Variants in GPSM3 observed in about 807,000 individuals in gnomAD.
GPSM3 encodes G protein signaling modulator 3.
In GPSM3, 16 loss-of-function variants were observed where a neutral mutation model predicts 20.4. The ratio of observed to expected loss-of-function variants is 0.78; its 90% CI spans 0.53 to 1.19. GPSM3 has a LOEUF of 1.19. Ranked by LOEUF, GPSM3 falls within the 50% of genes most tolerant of loss-of-function variation. The pLI is 0.00. For synonymous variants in GPSM3, 70 were observed against 79.6 expected (o/e 0.88, Z 0.64); for missense variants, 177 against 204.6 (o/e 0.86, Z 0.82).
At chr6:32,194,559 T>G (rs1362403372), upstream of GPSM3, among the ~76,000 whole-genome samples, 2 of 152,116 alleles carry the variant, frequency 1.3e-5, no homozygotes, top group African/African-American at 4.8e-5. The surrounding 1 kb of genome is among the most constrained non-coding windows in gnomAD (Gnocchi z 4.5). Flanking sequence ...CCTCCTGCTG[T>G]GTGGCCCAGT....
rs775781222 is a variant in GPSM3 at position 32,192,192 on chromosome 6, C to A, written c.101G>T (p.Arg34Leu). Residue 34 changes from arginine to leucine, a missense_variant, in exon 2 of 4, where the codon CGA becomes CTA. Arg to Leu is a moderately radical substitution (Grantham distance 102). Transcript: ENST00000375040. This position sits in a 1 kb window ranked among gnomAD's most constrained non-coding sequence, Gnocchi z 5.1. ...PPPNSTTRPW[R>L]SAPPSPPPPG... is the part of the protein sequence containing the mutation. ...AGGAGGAGGGGATGGAGGAGCAGAT[C>A]GCCAAGGCCGAGTGGTGGAGTTTGG... 6.6e-7 allele frequency: 1 copy of A among 1,510,622 alleles called. No homozygotes were observed. The highest frequency in any genetic ancestry group is 8.9e-7 in the Non-Finnish European group (1 of 1,129,866). 93.6% of individuals were successfully genotyped at this position (1,510,622 alleles called of 1,614,324 possible).
upstream of GPSM3, among the ~76,000 whole-genome samples, chr6:32,193,807 C>T (rs1416315262): frequency 2.0e-5 from 3 of 152,182 alleles, no homozygotes; most frequent in African/African-American, 7.2e-5. The surrounding 1 kb of genome is among the most constrained non-coding windows in gnomAD (Gnocchi z 4.7). Flanking sequence ...AGAGGACTAC[C>T]TCTCTGGCTT....
Position 32,191,174 on chromosome 6 carries a change from C to T in GPSM3, c.*192G>A. The T allele has an allele frequency of 1.6e-6, 1 of 643,500 alleles. No homozygotes were observed. The highest frequency in any genetic ancestry group is 4.5e-4 in the Middle Eastern group (1 of 2,240). 39.9% of individuals were successfully genotyped at this position (643,500 alleles called of 1,614,324 possible). On this transcript the variant is annotated 3_prime_UTR_variant, in exon 4 of 4. Transcript: ENST00000375040. The surrounding 1 kb of genome is among the most constrained non-coding windows in gnomAD (Gnocchi z 5.9). ...GCGGGGAGTTAAATCCCTGTTCCATCTCGCCTGTTCCCAGAGTTTGAGGAC... is the reference window on the plus strand; with the variant it reads ...GCGGGGAGTTAAATCCCTGTTCCATTTCGCCTGTTCCCAGAGTTTGAGGAC...
At chr6:32,193,619 T>G (rs3132940), upstream of GPSM3, among the ~76,000 whole-genome samples, 139,375 of 152,236 alleles carry the variant, frequency 0.92, 64,018 homozygotes, top group East Asian at 1. This position sits in a 1 kb window ranked among gnomAD's most constrained non-coding sequence, Gnocchi z 4.7. Context: ...GCAGGGGAAA[T>G]TTTATTTTGG....
At chr6:32,194,992 G>A (rs1253274518), upstream of GPSM3, 1 of 241,140 alleles carries the variant, frequency 4.1e-6, no homozygotes, top group Admixed American at 5.4e-5. The surrounding 1 kb of genome is among the most constrained non-coding windows in gnomAD (Gnocchi z 4.5). Context: ...GGTGGCCCTT[G>A]GCCACTTTTC....
At chr6:32,192,825 T>A, upstream of GPSM3, 1 of 348,028 alleles carries the variant, frequency 2.9e-6, no homozygotes, top group East Asian at 4.4e-5. The surrounding 1 kb of genome is among the most constrained non-coding windows in gnomAD (Gnocchi z 5.1). Flanking sequence ...GAAGGACTCC[T>A]GGCGGTCTCA....
In GPSM3 at chr6:32,192,593, GTGGGGGCTGGAAGGGGTGGGGGTGAGC is replaced by G; in HGVS notation, c.-107_-81del. On this transcript the variant is annotated 5_prime_UTR_variant, in exon 1 of 4. Coordinates refer to ENST00000375040, the MANE Select transcript of GPSM3 (RefSeq NM_001276501.2). The surrounding 1 kb of genome is among the most constrained non-coding windows in gnomAD (Gnocchi z 5.1). Reference sequence around the variant, plus strand: ...CTGGAACCTTGGGTTCCTGAGGGGAGTGGGGGCTGGAAGGGGTGGGGGTGAGCTGGGGGCTGGATGCCTGGGTACTGA... The same window carrying G: ...CTGGAACCTTGGGTTCCTGAGGGGAGTGGGGGCTGGATGCCTGGGTACTGA... 1.0e-6 allele frequency: 1 copy of G among 980,408 alleles called. No homozygotes were observed. The highest frequency in any genetic ancestry group is 1.5e-6 in the Non-Finnish European group (1 of 649,952). 60.7% of individuals were successfully genotyped at this position (980,408 alleles called of 1,614,324 possible). A position where few individuals can be genotyped will look rare whatever the true frequency, so the allele number is the denominator to read the frequency against.
chr6:32,191,556 GTTC>G lies in GPSM3; in HGVS notation c.346-56_346-54del. 2.0e-6 allele frequency: 3 copies of G among 1,520,270 alleles called. No individual in the cohort carries two copies. The highest frequency in any genetic ancestry group is 2.6e-6 in the Non-Finnish European group (3 of 1,134,220). The allele number at this position is 1,520,270 out of a possible 1,614,324, so 94.2% of individuals were successfully genotyped here. A position where few individuals can be genotyped will look rare whatever the true frequency, so the allele number is the denominator to read the frequency against. On this transcript the variant is annotated intron_variant, in intron 3 of 3. Coordinates refer to ENST00000375040, the MANE Select transcript of GPSM3 (RefSeq NM_001276501.2). The surrounding 1 kb of genome is among the most constrained non-coding windows in gnomAD (Gnocchi z 5.9). ...TTTGGTGAGGGTCTGAGAGGAGGAG[GTTC>G]TTGAGAGGATCAAGGGTTGGTATGG... is the stretch of plus-strand genomic sequence containing the variant.
In GPSM3 at chr6:32,191,338, C is replaced by A. The variant is rs751754226; in HGVS notation, c.*28G>T. The A allele has an allele frequency of 1.3e-6, 2 of 1,570,800 alleles. No individual in the cohort carries two copies. Among genetic ancestry groups the A allele is most frequent in the Admixed American group, 2.1e-5 (1 of 48,012 alleles). Reference sequence around the variant, plus strand: ...GGCTGCCCAGCTTTGAGACCAGTGGCAAGGAAGGGCTGGTTGGGGCTCAAG... The same window carrying A: ...GGCTGCCCAGCTTTGAGACCAGTGGAAAGGAAGGGCTGGTTGGGGCTCAAG... On this transcript the variant is annotated 3_prime_UTR_variant, in exon 4 of 4. Coordinates refer to ENST00000375040, the MANE Select transcript of GPSM3 (RefSeq NM_001276501.2). This position sits in a 1 kb window ranked among gnomAD's most constrained non-coding sequence, Gnocchi z 5.9.
In GPSM3 at chr6:32,192,493, C is replaced by T; in HGVS notation, c.21G>A (p.Gln7=). 1.9e-6 allele frequency: 3 copies of T among 1,591,724 alleles called. No individual in the cohort carries two copies. Among genetic ancestry groups the T allele is most frequent in the East Asian group, 2.3e-5 (1 of 44,316 alleles). The stretch of plus-strand genomic sequence containing the variant: ...TCACCTGCTCACCATCCTCTTCTTC[C>T]TGGGGTCTCTCAGCCTCCATCCCCT... MEAERP[Q]EEEDGEQGPP... Residue 7 remains glutamine (Q), a synonymous_variant, in exon 1 of 4, where the codon CAG becomes CAA. Transcript: ENST00000375040. The surrounding 1 kb of genome is among the most constrained non-coding windows in gnomAD (Gnocchi z 5.1).
At chr6:32,193,589 T>C (rs204991), upstream of GPSM3, among the ~76,000 whole-genome samples, 31,904 of 151,998 alleles carry the variant, frequency 0.21, 3,597 homozygotes, top group East Asian at 0.3. This position sits in a 1 kb window ranked among gnomAD's most constrained non-coding sequence, Gnocchi z 4.7. Flanking sequence ...TGGAAACTTA[T>C]AGTTTAGTGC....
upstream of GPSM3, chr6:32,195,158 A>C (rs1471966986): frequency 4.3e-6 from 2 of 464,416 alleles, no homozygotes; most frequent in Non-Finnish European, 7.6e-6. The surrounding 1 kb of genome is among the most constrained non-coding windows in gnomAD (Gnocchi z 5.4). Context: ...CTTGGTTCCA[A>C]CTTAGGGGTA....
At chr6:32,192,733 G>T, upstream of GPSM3, 3 of 453,604 alleles carry the variant, frequency 6.6e-6, no homozygotes, top group South Asian at 1.3e-4. The surrounding 1 kb of genome is among the most constrained non-coding windows in gnomAD (Gnocchi z 5.1). Flanking sequence ...CAAACAGCTT[G>T]TTCAGTCTCT....
upstream of GPSM3, chr6:32,193,157 A>G (rs1177097160): frequency 1.3e-5 from 2 of 152,658 alleles, no homozygotes; most frequent in Admixed American, 1.3e-4. The surrounding 1 kb of genome is among the most constrained non-coding windows in gnomAD (Gnocchi z 4.7). Flanking sequence ...GTAAGTATTC[A>G]ATATATATGT....
chr6:32,191,334 G>A lies in GPSM3; in HGVS notation c.*32C>T. 1 of 1,571,124 alleles carries A rather than the reference G, an allele frequency of 6.4e-7. No homozygotes were observed. Among genetic ancestry groups the A allele is most frequent in the Non-Finnish European group, 8.6e-7 (1 of 1,165,390 alleles). On this transcript the variant is annotated 3_prime_UTR_variant, in exon 4 of 4. Transcript: ENST00000375040. This position sits in a 1 kb window ranked among gnomAD's most constrained non-coding sequence, Gnocchi z 5.9. The stretch of plus-strand genomic sequence containing the variant: ...AATGGGCTGCCCAGCTTTGAGACCA[G>A]TGGCAAGGAAGGGCTGGTTGGGGCT...
At chr6:32,195,221 TG>T, upstream of GPSM3, 1 of 563,364 alleles carries the variant, frequency 1.8e-6, no homozygotes, top group Non-Finnish European at 3.1e-6. The surrounding 1 kb of genome is among the most constrained non-coding windows in gnomAD (Gnocchi z 5.4). Context: ...GGAGGAGGAC[TG>T]GGCCTGCCTC....
At chr6:32,195,300 G>A, upstream of GPSM3, 3 of 773,756 alleles carry the variant, frequency 3.9e-6, no homozygotes, top group African/African-American at 3.5e-5. This position sits in a 1 kb window ranked among gnomAD's most constrained non-coding sequence, Gnocchi z 5.4. Flanking sequence ...TGCTCTGGTG[G>A]GCATACATTC....
rs1164728417 is a variant in GPSM3, at chr6:32,191,842, T to C, written c.212A>G (p.Glu71Gly). The C allele has an allele frequency of 6.2e-7, 1 of 1,612,148 alleles. No homozygotes were observed. Among genetic ancestry groups the C allele is most frequent in the Admixed American group, 1.7e-5 (1 of 59,990 alleles). ...QTELLLDLVAEAQSRRLEEQR... is the reference protein window; with the variant it reads ...QTELLLDLVAGAQSRRLEEQR... ...CTCCTCCAGGCGGCGGGACTGGGCTTCAGCCACCAGGTCCAGAAGGAGTTC... is the reference window on the plus strand; with the variant it reads ...CTCCTCCAGGCGGCGGGACTGGGCTCCAGCCACCAGGTCCAGAAGGAGTTC... The change falls in exon 3 of 4, where the codon GAA (glutamate) becomes GGA (glycine). Residue 71 changes from glutamate to glycine, a missense_variant. Physicochemically the swap from Glu to Gly is moderately conservative, Grantham distance 98. Coordinates refer to ENST00000375040, the MANE Select transcript of GPSM3 (RefSeq NM_001276501.2). The surrounding 1 kb of genome is among the most constrained non-coding windows in gnomAD (Gnocchi z 5.9).
Position 32,191,793 on chromosome 6 carries a change from G to A in GPSM3, c.261C>T (p.Pro87=). Residue 87 remains proline (P), a synonymous_variant, in exon 3 of 4, where the codon CCC becomes CCT. Coordinates refer to ENST00000375040, the MANE Select transcript of GPSM3 (RefSeq NM_001276501.2). This position sits in a 1 kb window ranked among gnomAD's most constrained non-coding sequence, Gnocchi z 5.9. ...LEEQRATFYT[P]QNPSSLAPAP... ...CAGGGGCTAGGCTTGAGGGGTTTTG[G>A]GGGGTGTAGAAGGTGGCCCTCTGCT... 6.2e-7 allele frequency: 1 copy of A among 1,612,516 alleles called. No homozygotes were observed. The highest frequency in any genetic ancestry group is 1.3e-5 in the African/African-American group (1 of 74,958).
Sources: gnomAD v4.1 joint callset for allele counts (sites outside exome capture counted in the v4.1 genomes callset) on GRCh38, gnomAD v4.1.1 for gene constraint, Gnocchi (gnomAD v3.1) non-coding constraint, MANE v1.5 for transcripts, NCBI Gene and HGNC (gene_info 2026-07-23, HGNC 2026-07-21) for gene names.